The following ANK3 variants were observed in gnomAD, a reference collection of about 807,000 sequenced individuals.
The protein encoded by ANK3 is ankyrin-3.
ANK3 carries 57 observed loss-of-function variants against 370.9 expected under a neutral mutation model. The ratio of observed to expected loss-of-function variants is 0.15; its 90% confidence interval spans 0.12 to 0.19. ANK3 has a LOEUF of 0.19. ANK3 is among the 10% of genes least tolerant of loss of function. The pLI is 1.00. For synonymous variants in ANK3, 1,929 were observed against 1,946.3 expected, an observed-to-expected ratio of 0.99 and a Z score of 0.23; for missense variants, 4,439 against 5,302.1, an observed-to-expected ratio of 0.84 and a Z score of 5.06.
At chr10:60,164,940 A>T (rs2095587415) in intron 23 of ANK3, among the ~76,000 whole-genome samples, 2 of 152,358 alleles carry the variant, frequency 1.3e-5, no homozygotes, top group South Asian at 4.1e-4. Context: ...ATGAGAATTT[A>T]AAATTGCCAA....
intron 1 of ANK3, among the ~76,000 whole-genome samples, chr10:60,696,935 T>C (rs1055718118): frequency 2.8e-5 from 4 of 143,020 alleles, no homozygotes; most frequent in African/African-American, 8.0e-5. Flanking sequence ...ATAAAGGGTA[T>C]TCAATTAGGA....
intron 8 of ANK3, among the ~76,000 whole-genome samples, chr10:60,214,681 G>A (rs2096908471): frequency 6.6e-6 from 1 of 152,158 alleles, no homozygotes; most frequent in South Asian, 2.1e-4. Flanking sequence ...TCCCGGCGAA[G>A]GACATGATCT....
rs555403906 is a variant in ANK3, at chr10:60,252,009, A to T, written c.798+9850T>A. ...TATTTCCATCACAGTCTAGCTTTGC[A>T]ACTTTTTCCTACCAATTATCTGGTC... On this transcript the variant is annotated intron_variant, in intron 7 of 43. Transcript: ENST00000280772. 1.2e-4 allele frequency among the ~76,000 whole-genome samples: 18 copies of T among 152,270 alleles called. No individual in the cohort carries two copies. In the East Asian group the frequency reaches 3.3e-3, roughly 28 times the overall value.
chr10:60,142,559 A>C (rs2094615629), intron 23 of ANK3, among the ~76,000 whole-genome samples: 1 of 151,112 alleles, frequency 6.6e-6, no homozygotes, highest in South Asian at 2.1e-4. Context: ...GCAACTTAGC[A>C]CTCTTTTCAA....
At chr10:60,351,034 A>T (rs2056756622) in intron 1 of ANK3, among the ~76,000 whole-genome samples, 1 of 151,808 alleles carries the variant, frequency 6.6e-6, no homozygotes, top group Non-Finnish European at 1.5e-5. Context: ...ATATTTCCTC[A>T]TTTTTTTAAA....
chr10:60,160,810 TTTAA>T lies in ANK3; in HGVS notation c.2614+5777_2614+5780del, dbSNP rs552771501. ...AATAAAGGACAAATCCATATGATCATTTAATTAATGCTGAAAAAGCATTCAATAA... is the reference window on the plus strand; with the variant it reads ...AATAAAGGACAAATCCATATGATCATTTAATGCTGAAAAAGCATTCAATAA... On this transcript the variant is annotated intron_variant, in intron 23 of 43. Transcript: ENST00000280772. 2.5e-3 allele frequency among the ~76,000 whole-genome samples: 374 copies of T among 152,308 alleles called. 4 individuals carry two copies. The highest frequency in any genetic ancestry group is 8.5e-3 in the African/African-American group (355 of 41,588).
At chr10:60,681,235 A>G (rs973347606) in intron 1 of ANK3, among the ~76,000 whole-genome samples, 4 of 152,144 alleles carry the variant, frequency 2.6e-5, no homozygotes, top group African/African-American at 9.7e-5. Context: ...TTTTCAGACA[A>G]TAATCAGAGT....
At chr10:60,366,105 C>T (rs1347831786) in intron 1 of ANK3, among the ~76,000 whole-genome samples, 3 of 152,100 alleles carry the variant, frequency 2.0e-5, no homozygotes, top group African/African-American at 7.2e-5. Flanking sequence ...GAGGCCAAGG[C>T]AAATGGATCA....
intron 2 of ANK3, among the ~76,000 whole-genome samples, chr10:60,507,344 A>T (rs1197905135): frequency 6.6e-6 from 1 of 152,072 alleles, no homozygotes; most frequent in African/African-American, 2.4e-5. Context: ...TCACTTAGAA[A>T]AAAATCAAAA....
intron 1 of ANK3, among the ~76,000 whole-genome samples, chr10:60,293,454 T>TTA (rs1300992420): frequency 6.6e-6 from 1 of 152,202 alleles, no homozygotes; most frequent in African/African-American, 2.4e-5. Context: ...TATACACATC[T>TTA]TATATTTTGG....
At chr10:60,595,312 T>G (rs962016118) in intron 2 of ANK3, among the ~76,000 whole-genome samples, 25 of 151,996 alleles carry the variant, frequency 1.6e-4, no homozygotes, top group African/African-American at 5.3e-4. Flanking sequence ...CCACAAAAAT[T>G]TGGAGGCTAG....
At chr10:60,208,454 C>A (rs1375363592) in intron 9 of ANK3, among the ~76,000 whole-genome samples, 1 of 152,216 alleles carries the variant, frequency 6.6e-6, no homozygotes. Flanking sequence ...AGGATAATGT[C>A]TTTTCCCAAT....
chr10:60,415,917 CCCCCCA>C (rs901386710), intron 2 of ANK3, among the ~76,000 whole-genome samples: 3 of 66,078 alleles, frequency 4.5e-5, no homozygotes, highest in Admixed American at 2.8e-4. Flanking sequence ...TGAATTTGTG[CCCCCCA>C]CCCCCCCGCC....
intron 4 of ANK3, among the ~76,000 whole-genome samples, chr10:60,277,834 CA>C (rs1340347065): frequency 6.6e-6 from 1 of 152,068 alleles, no homozygotes; most frequent in Non-Finnish European, 1.5e-5. Flanking sequence ...GAGACAATGA[CA>C]AATAAGGATG....
intron 43 of ANK3, among the ~76,000 whole-genome samples, chr10:60,032,295 C>T (rs556005834): frequency 6.4e-4 from 93 of 145,792 alleles, no homozygotes; most frequent in Non-Finnish European, 1.0e-3. Flanking sequence ...CAACCTCCGC[C>T]TCCCGGGTTC....
chr10:60,180,615 C>CCA (rs1452656539), intron 18 of ANK3, among the ~76,000 whole-genome samples: 1 of 106,152 alleles, frequency 9.4e-6, no homozygotes, highest in African/African-American at 3.5e-5. Flanking sequence ...AAAAAAAAAC[C>CCA]AAAAAAAAAA....
At chr10:60,304,408 T>C (rs1593369693) in intron 1 of ANK3, among the ~76,000 whole-genome samples, 1 of 152,108 alleles carries the variant, frequency 6.6e-6, no homozygotes, top group East Asian at 1.9e-4. Flanking sequence ...TTTGGGAGGC[T>C]GAGGTGGGTG....
intron 3 of ANK3, 85 bp from the exon 4 acceptor site, chr10:60,278,957 T>C (rs1045417428): frequency 7.7e-6 from 12 of 1,566,320 alleles, no homozygotes; most frequent in Non-Finnish European, 1.1e-5. Context: ...TTGACAAATA[T>C]CTTATGAGAT....
intron 1 of ANK3, among the ~76,000 whole-genome samples, chr10:60,698,268 A>C (rs2079491774): frequency 6.7e-6 from 1 of 149,816 alleles, no homozygotes; most frequent in Admixed American, 6.6e-5. Context: ...GCTGGAGAGG[A>C]TGTGGAGAAA....
Sources: gnomAD v4.1 joint callset for allele counts (sites outside exome capture counted in the v4.1 genomes callset) on GRCh38, gnomAD v4.1.1 for gene constraint, MANE v1.5 for transcripts, NCBI Gene and HGNC (gene_info 2026-07-23, HGNC 2026-07-21) for gene names.